PRKD1: variants seen among roughly 807,000 people sequenced by gnomAD.
PRKD1 encodes protein kinase D1.
Under a neutral mutation model 95.9 loss-of-function variants are expected in PRKD1, and 63 were observed. The observed-to-expected ratio is 0.66, with a 90% confidence interval of 0.54 to 0.81. The LOEUF is 0.81. Among genes scored for constraint, PRKD1 ranks in the 30% least tolerant of loss-of-function variants. The pLI is 0.00. For missense variants in PRKD1, 1,048 were observed against 1,165.3 expected (o/e 0.90, Z 1.47); for synonymous variants, 425 against 423.1 (o/e 1.00, Z -0.05).
chr14:29,778,716 G>C (rs2139161044), intron 1 of PRKD1, among the ~76,000 whole-genome samples: 1 of 152,276 alleles, frequency 6.6e-6, no homozygotes, highest in South Asian at 2.1e-4. Flanking sequence ...GGTACAAGGA[G>C]GAGCTGTTTC....
At chr14:29,775,952 A>T (rs774878413) in intron 1 of PRKD1, among the ~76,000 whole-genome samples, 11 of 152,268 alleles carry the variant, frequency 7.2e-5, no homozygotes, top group Non-Finnish European at 1.2e-4. Context: ...CGAAGCTTCC[A>T]GAGGAACAAT....
At chr14:29,742,829 G>C (rs1887041679) in intron 1 of PRKD1, among the ~76,000 whole-genome samples, 1 of 152,136 alleles carries the variant, frequency 6.6e-6, no homozygotes, top group Non-Finnish European at 1.5e-5. Flanking sequence ...CTGAGAGCTA[G>C]ATAAATACCT....
chr14:29,690,184 G>T (rs1042472954), intron 2 of PRKD1, among the ~76,000 whole-genome samples: 1 of 151,940 alleles, frequency 6.6e-6, no homozygotes, highest in Non-Finnish European at 1.5e-5. Context: ...TCTAGATAAG[G>T]TCATCCACTC....
At chr14:29,901,406 A>G (rs1050021754) in intron 1 of PRKD1, among the ~76,000 whole-genome samples, 1 of 152,198 alleles carries the variant, frequency 6.6e-6, no homozygotes, top group African/African-American at 2.4e-5. Flanking sequence ...TACCTGGGTG[A>G]TGGGATCATC....
At chr14:29,648,296 A>ATT (rs3065239) in intron 4 of PRKD1, among the ~76,000 whole-genome samples, 342 of 144,916 alleles carry the variant, frequency 2.4e-3, no homozygotes, top group Middle Eastern at 3.5e-3. Context: ...GAGCACCACA[A>ATT]TTTTTTTTTT....
At chr14:29,787,669 T>C (rs1889337205) in intron 1 of PRKD1, among the ~76,000 whole-genome samples, 1 of 152,156 alleles carries the variant, frequency 6.6e-6, no homozygotes. Context: ...TTTTGATTTC[T>C]GTTTGGGTGA....
At chr14:29,613,234 G>A (rs1447438143) in intron 13 of PRKD1, among the ~76,000 whole-genome samples, 3 of 152,158 alleles carry the variant, frequency 2.0e-5, no homozygotes, top group South Asian at 2.1e-4. Flanking sequence ...CATTTTGCAC[G>A]TTTTCCTCTA....
At chr14:29,888,963 G>A (rs1325722209) in intron 1 of PRKD1, among the ~76,000 whole-genome samples, 8 of 152,128 alleles carry the variant, frequency 5.3e-5, no homozygotes, top group South Asian at 2.1e-4. Flanking sequence ...ACAGTCACCC[G>A]AACCTTTCAA....
chr14:29,923,227 C>CAAA (rs33966435), intron 1 of PRKD1, among the ~76,000 whole-genome samples: 1 of 88,792 alleles, frequency 1.1e-5, no homozygotes, highest in Non-Finnish European at 2.8e-5. Context: ...GAGATTCTGT[C>CAAA]AAAAAAAAAA....
intron 1 of PRKD1, among the ~76,000 whole-genome samples, chr14:29,751,563 C>G (rs1051857693): frequency 6.6e-6 from 1 of 152,212 alleles, no homozygotes; most frequent in African/African-American, 2.4e-5. Context: ...GAAGAAGACA[C>G]TCTAGAACCT....
intron 1 of PRKD1, among the ~76,000 whole-genome samples, chr14:29,744,531 T>C (rs35060633): frequency 0.15 from 22,374 of 152,094 alleles, 1,977 homozygotes; most frequent in South Asian, 0.22. Flanking sequence ...CAAAGAGGAA[T>C]TGGAATCATT....
chr14:29,638,466 A>T (rs1880525026), intron 6 of PRKD1, 23 bp downstream of exon 6: 6 of 1,611,542 alleles, frequency 3.7e-6, no homozygotes, highest in African/African-American at 1.3e-5. Flanking sequence ...AAGCACAGAC[A>T]TGACAGCTGA....
chr14:29,908,788 G>C (rs942690046), intron 1 of PRKD1, among the ~76,000 whole-genome samples: 1 of 152,184 alleles, frequency 6.6e-6, no homozygotes, highest in African/African-American at 2.4e-5. Context: ...TATCGAGTAA[G>C]AACAATGGTC....
At chr14:29,723,964 G>A (rs34460932) in intron 2 of PRKD1, among the ~76,000 whole-genome samples, 2,445 of 152,136 alleles carry the variant, frequency 0.016, 84 homozygotes, top group Admixed American at 0.079. Flanking sequence ...TAGGGCATAC[G>A]CACAATGAAG....
intron 3 of PRKD1, 95 bp from the exon 4 acceptor site, chr14:29,663,954 C>G (rs191808377): frequency 1.4e-5 from 17 of 1,222,412 alleles, no homozygotes; most frequent in Non-Finnish European, 1.9e-5. Context: ...AATAGTACAG[C>G]TTCCATTTTC....
intron 6 of PRKD1, among the ~76,000 whole-genome samples, chr14:29,636,965 A>G (rs1378236401): frequency 6.6e-6 from 1 of 152,148 alleles, no homozygotes; most frequent in African/African-American, 2.4e-5. Context: ...GTTTATATGC[A>G]TCTGAGTTTA....
intron 4 of PRKD1, among the ~76,000 whole-genome samples, chr14:29,641,226 A>G (rs906187657): frequency 2.0e-5 from 3 of 152,310 alleles, no homozygotes; most frequent in African/African-American, 7.2e-5. Context: ...AGTGTCAACT[A>G]TGTAATTTAT....
intron 4 of PRKD1, among the ~76,000 whole-genome samples, chr14:29,651,117 C>T (rs536877536): frequency 3.3e-5 from 5 of 152,238 alleles, no homozygotes; most frequent in South Asian, 2.1e-4. Flanking sequence ...TCTGAAACAA[C>T]GTGGTAAGAC....
At chr14:29,711,393 A>G (rs145889414) in intron 2 of PRKD1, among the ~76,000 whole-genome samples, 3 of 152,138 alleles carry the variant, frequency 2.0e-5, no homozygotes, top group African/African-American at 7.2e-5. Context: ...ACAATCACAC[A>G]GCTATAAACT....
Sources: gnomAD v4.1 joint callset for allele counts (sites outside exome capture counted in the v4.1 genomes callset) on GRCh38, gnomAD v4.1.1 for gene constraint, MANE v1.5 for transcripts, NCBI Gene and HGNC (gene_info 2026-07-23, HGNC 2026-07-21) for gene names.